Variants in SEMA3C observed in about 807,000 individuals in gnomAD.
SEMA3C encodes the protein semaphorin 3C.
A neutral mutation model predicts 89.4 loss-of-function variants in SEMA3C; 47 were observed. The observed-to-expected ratio is 0.53, with a 90% CI of 0.42 to 0.67. The LOEUF (loss-of-function observed/expected upper bound fraction) is 0.67, where lower values mean the gene tolerates loss of function less well. Ranked by LOEUF, SEMA3C falls within the 30% of genes least tolerant of loss-of-function variation. The pLI, the probability that SEMA3C is intolerant of heterozygous loss-of-function variation, is 0.00. For missense variants in SEMA3C, 839 were observed against 929.1 expected (o/e 0.90, Z 1.26); for synonymous variants, 310 against 320.2 (o/e 0.97, Z 0.34).
At chr7:80,771,638 T>C (rs369457336) in intron 12 of SEMA3C, among the ~76,000 whole-genome samples, 49 of 152,280 alleles carry the variant, frequency 3.2e-4, no homozygotes, top group African/African-American at 9.6e-4. Flanking sequence ...AAGCAGGTCA[T>C]TGGAATAGTC....
chr7:80,870,888 C>T (rs765128520), intron 2 of SEMA3C, among the ~76,000 whole-genome samples: 1 of 152,168 alleles, frequency 6.6e-6, no homozygotes, highest in Non-Finnish European at 1.5e-5. Flanking sequence ...CCCTTCAAAT[C>T]GCTCCAGAGA....
chr7:80,886,231 T>C (rs1791473275), intron 2 of SEMA3C, among the ~76,000 whole-genome samples: 1 of 152,084 alleles, frequency 6.6e-6, no homozygotes, highest in African/African-American at 2.4e-5. Flanking sequence ...ATTTCTAAGA[T>C]CTGCTAATGT....
At chr7:80,812,146 GA>G (rs971010831) in intron 5 of SEMA3C, among the ~76,000 whole-genome samples, 2 of 152,048 alleles carry the variant, frequency 1.3e-5, no homozygotes, top group Non-Finnish European at 2.9e-5. Flanking sequence ...TTGACTCCTT[GA>G]AAAAATAAAG....
In SEMA3C at chr7:80,862,671, T is replaced by G. The variant is rs116860303; in HGVS notation, c.104-33926A>C. ...AGCAAAAAGAACAAATCTTGAGGAATCACTCTACCTGATTTCAAACTATAC... is the reference window on the plus strand; with the variant it reads ...AGCAAAAAGAACAAATCTTGAGGAAGCACTCTACCTGATTTCAAACTATAC... On this transcript the variant is annotated intron_variant, in intron 2 of 17. Transcript: ENST00000265361. 3.5e-3 allele frequency among the ~76,000 whole-genome samples: 538 copies of G among 152,230 alleles called. 10 individuals are homozygous for G. Among genetic ancestry groups the G allele is most frequent in the East Asian group, 0.035 (180 of 5,164 alleles).
At position 80,919,004 on chromosome 7, in the gene SEMA3C, C is replaced by T. The variant is rs1196507312; in HGVS notation, c.-215G>A. ...AAGGAATCTCAGCGCTGCAGTGCCG[C>T]GGCACCCGGAGCTCTTCTCCGCGTC... On this transcript the variant is annotated 5_prime_UTR_variant, in exon 1 of 18. Transcript: ENST00000265361. 1.0e-6 allele frequency: 1 copy of T among 985,398 alleles called. No individual in the cohort carries two copies. Among genetic ancestry groups the T allele is most frequent in the African/African-American group, 1.7e-5 (1 of 57,372 alleles). 61.0% of individuals were successfully genotyped at this position (985,398 alleles called of 1,614,324 possible). A position where few individuals can be genotyped will look rare whatever the true frequency, so the allele number is the denominator to read the frequency against.
At position 80,805,785 on chromosome 7, in the gene SEMA3C, T is replaced by C. The variant is rs374298945; in HGVS notation, c.539-27A>G. 14 of 1,545,338 alleles carry C rather than the reference T, an allele frequency of 9.1e-6. No individual in the cohort carries two copies. In the African/African-American group the frequency reaches 1.5e-4, roughly 17 times the overall value. ...TATGAAAAAGAAAATATCAATGAAATGTAAATTTTTAAAGCTATTTTGAAA... is the reference window on the plus strand; with the variant it reads ...TATGAAAAAGAAAATATCAATGAAACGTAAATTTTTAAAGCTATTTTGAAA... On this transcript the variant is annotated intron_variant, in intron 6 of 17. Transcript: ENST00000265361.
At chr7:80,905,960 T>C (rs757738640) in intron 2 of SEMA3C, 1 of 1,165,432 alleles carries the variant, frequency 8.6e-7, no homozygotes, top group South Asian at 1.3e-5. Flanking sequence ...GTTTTGTTTT[T>C]TTTTTAACTG....
intron 11 of SEMA3C, among the ~76,000 whole-genome samples, chr7:80,791,381 A>C (rs1253058819): frequency 6.6e-6 from 1 of 152,198 alleles, no homozygotes; most frequent in African/African-American, 2.4e-5. Context: ...TCAATATTAA[A>C]TTCCTGTCGA....
chr7:80,867,568 T>C (rs951441148), intron 2 of SEMA3C, among the ~76,000 whole-genome samples: 3 of 152,208 alleles, frequency 2.0e-5, no homozygotes, highest in African/African-American at 7.2e-5. Context: ...TGTCTTGTCC[T>C]AGATGCTCAG....
intron 5 of SEMA3C, among the ~76,000 whole-genome samples, chr7:80,813,626 G>T (rs1258559597): frequency 6.6e-6 from 1 of 152,118 alleles, no homozygotes; most frequent in African/African-American, 2.4e-5. Context: ...GGATTTCATT[G>T]CTTTGGATTT....
At chr7:80,873,166 G>T (rs1028480980) in intron 2 of SEMA3C, among the ~76,000 whole-genome samples, 3 of 152,206 alleles carry the variant, frequency 2.0e-5, no homozygotes, top group Admixed American at 6.5e-5. Context: ...AGCGTACAGG[G>T]CCCAAAGTAG....
At chr7:80,872,575 G>A (rs1791088100) in intron 2 of SEMA3C, among the ~76,000 whole-genome samples, 1 of 151,856 alleles carries the variant, frequency 6.6e-6, no homozygotes, top group Non-Finnish European at 1.5e-5. Context: ...AGGTCGAGGG[G>A]GGCGGATCAT....
intron 12 of SEMA3C, among the ~76,000 whole-genome samples, chr7:80,776,358 C>G (rs1477322318): frequency 2.0e-5 from 3 of 151,878 alleles, no homozygotes; most frequent in Non-Finnish European, 4.4e-5. Context: ...TTTATTCATT[C>G]TCGTTTTGCA....
At chr7:80,855,747 CTAG>C (rs925952530) in intron 2 of SEMA3C, among the ~76,000 whole-genome samples, 14 of 152,206 alleles carry the variant, frequency 9.2e-5, no homozygotes, top group African/African-American at 2.9e-4. Flanking sequence ...CACAAGGCAA[CTAG>C]TAGTGACAAT....
chr7:80,882,303 C>T (rs1791361861), intron 2 of SEMA3C, among the ~76,000 whole-genome samples: 1 of 151,658 alleles, frequency 6.6e-6, no homozygotes, highest in African/African-American at 2.4e-5. Context: ...ATGTAACACA[C>T]CTTCTGGCAT....
chr7:80,794,892 C>T (rs1387491280), intron 11 of SEMA3C, among the ~76,000 whole-genome samples: 1 of 152,164 alleles, frequency 6.6e-6, no homozygotes, highest in Admixed American at 6.5e-5. Flanking sequence ...CTTCTTCCTA[C>T]TGACTTGGGC....
intron 15 of SEMA3C, among the ~76,000 whole-genome samples, chr7:80,754,990 G>T (rs1788034171): frequency 2.3e-4 from 2 of 8,824 alleles, no homozygotes; most frequent in Non-Finnish European, 8.8e-4. Context: ...AGTAGAGATG[G>T]GGTTTTGCCA....
chr7:80,871,303 C>T (rs1206227579), intron 2 of SEMA3C, among the ~76,000 whole-genome samples: 1 of 152,180 alleles, frequency 6.6e-6, no homozygotes, highest in Non-Finnish European at 1.5e-5. Flanking sequence ...TTCTAATACA[C>T]AATTTTAATC....
At chr7:80,770,666 A>G (rs932691085) in intron 12 of SEMA3C, among the ~76,000 whole-genome samples, 3 of 152,158 alleles carry the variant, frequency 2.0e-5, no homozygotes, top group African/African-American at 7.2e-5. Flanking sequence ...TTTTCAGTCT[A>G]CCTGGTTAAG....
Sources: gnomAD v4.1 joint callset for allele counts (sites outside exome capture counted in the v4.1 genomes callset) on GRCh38, gnomAD v4.1.1 for gene constraint, MANE v1.5 for transcripts, NCBI Gene and HGNC (gene_info 2026-07-23, HGNC 2026-07-21) for gene names.